SIAH3: variants seen among roughly 807,000 people sequenced by gnomAD.
The protein encoded by SIAH3 is seven in absentia homolog 3.
A neutral mutation model predicts 12.6 loss-of-function variants in SIAH3; 9 were observed. That is an observed-to-expected ratio of 0.72 (90% CI 0.43 to 1.25). SIAH3 has a LOEUF of 1.25. Ranked by LOEUF, SIAH3 falls within the 50% of genes most tolerant of loss-of-function variation. SIAH3 has a pLI of 0.00. For missense variants in SIAH3, 390 were observed against 365.4 expected, an observed-to-expected ratio of 1.07 and a Z score of -0.55; for synonymous variants, 154 against 151.1, an observed-to-expected ratio of 1.02 and a Z score of -0.14.
chr13:45,798,699 C>G (rs1950571134), intron 1 of SIAH3, among the ~76,000 whole-genome samples: 1 of 152,332 alleles, frequency 6.6e-6, no homozygotes, highest in East Asian at 1.9e-4. Context: ...GGCACTGGCC[C>G]TATAGAAGCT....
chr13:45,803,160 G>A (rs1465903214), intron 1 of SIAH3, among the ~76,000 whole-genome samples: 3 of 152,130 alleles, frequency 2.0e-5, no homozygotes, highest in Non-Finnish European at 4.4e-5. Context: ...TGAAAGTGAG[G>A]CCTGCATTTT....
At chr13:45,824,147 A>C (rs988574398) in intron 1 of SIAH3, among the ~76,000 whole-genome samples, 1 of 152,218 alleles carries the variant, frequency 6.6e-6, no homozygotes, top group Non-Finnish European at 1.5e-5. Context: ...CCCGTTTTAC[A>C]TACTAGGCAA....
At chr13:45,803,429 G>A (rs1451787284) in intron 1 of SIAH3, among the ~76,000 whole-genome samples, 1 of 152,190 alleles carries the variant, frequency 6.6e-6, no homozygotes. Flanking sequence ...TGTGATAAAT[G>A]CTATGATAGA....
At chr13:45,844,461 C>A (rs978470011) in intron 1 of SIAH3, among the ~76,000 whole-genome samples, 4 of 152,180 alleles carry the variant, frequency 2.6e-5, no homozygotes, top group Admixed American at 2.6e-4. Context: ...GGACTTACAC[C>A]AGCACCCACA....
In SIAH3 at chr13:45,783,740, G is replaced by C; in HGVS notation, c.453C>G (p.Pro151=). ...GCATGATGATCCAATCAGCCGGCGCGGGGAGGTGCATGTCCGTGGCCAGGA... is the reference window on the plus strand; with the variant it reads ...GCATGATGATCCAATCAGCCGGCGCCGGGAGGTGCATGTCCGTGGCCAGGA... ...IVFLATDMHL[P]APADWIIMHS... Residue 151 remains proline, a synonymous_variant, in exon 2 of 2, where the codon CCC becomes CCG. Coordinates refer to ENST00000400405, the MANE Select transcript of SIAH3 (RefSeq NM_198849.3). 1 of 1,614,154 alleles carries C rather than the reference G, an allele frequency of 6.2e-7. No homozygotes were observed. Among genetic ancestry groups the C allele is most frequent in the Non-Finnish European group, 8.5e-7 (1 of 1,180,016 alleles).
intron 1 of SIAH3, among the ~76,000 whole-genome samples, chr13:45,793,719 T>C (rs1593376574): frequency 6.6e-6 from 1 of 152,320 alleles, no homozygotes; most frequent in South Asian, 2.1e-4. Context: ...TCATTGCCTC[T>C]CTGGGCTACA....
intron 1 of SIAH3, among the ~76,000 whole-genome samples, chr13:45,820,484 T>C (rs2137569969): frequency 6.6e-6 from 1 of 152,310 alleles, no homozygotes; most frequent in Non-Finnish European, 1.5e-5. Flanking sequence ...GTTTAAGGCC[T>C]ATGTTTGTAA....
At position 45,825,312 on chromosome 13, in the gene SIAH3, C is replaced by A. The variant is rs549585374; in HGVS notation, c.135+26183G>T. 4.6e-5 allele frequency among the ~76,000 whole-genome samples: 7 copies of A among 152,146 alleles called. No homozygotes were observed. In the South Asian group the frequency reaches 1.5e-3, roughly 32 times the overall value. ...CCTAGCCAAATCTCATTACAATCAG[C>A]CTTGATGGCAGACAGGATTCAGAAT... On this transcript the variant is annotated intron_variant, in intron 1 of 1. Coordinates refer to ENST00000400405, the MANE Select transcript of SIAH3 (RefSeq NM_198849.3).
At chr13:45,837,618 A>G (rs966716752) in intron 1 of SIAH3, among the ~76,000 whole-genome samples, 4 of 136,828 alleles carry the variant, frequency 2.9e-5, no homozygotes, top group African/African-American at 5.2e-5. Context: ...GGAGGGAGGG[A>G]GGAAGGGAAG....
At chr13:45,826,385 A>T (rs1473078927) in intron 1 of SIAH3, among the ~76,000 whole-genome samples, 3 of 5,102 alleles carry the variant, frequency 5.9e-4, no homozygotes, top group Admixed American at 2.1e-3. Flanking sequence ...GAATGAATGG[A>T]TGGATGGATG....
chr13:45,807,375 T>A (rs190149214), intron 1 of SIAH3, among the ~76,000 whole-genome samples: 2 of 152,170 alleles, frequency 1.3e-5, no homozygotes, highest in Admixed American at 1.3e-4. Context: ...TGAAGGAGAC[T>A]ATTCAATAAA....
chr13:45,800,164 C>T (rs1246087383), intron 1 of SIAH3, among the ~76,000 whole-genome samples: 2 of 151,872 alleles, frequency 1.3e-5, no homozygotes, highest in Non-Finnish European at 2.9e-5. Context: ...AACATTTTGG[C>T]GTGTACTTCT....
At chr13:45,797,331 C>T (rs1399137039) in intron 1 of SIAH3, among the ~76,000 whole-genome samples, 1 of 152,150 alleles carries the variant, frequency 6.6e-6, no homozygotes, top group Non-Finnish European at 1.5e-5. Flanking sequence ...AGGATTGCTC[C>T]AGCCTGCATA....
chr13:45,823,085 T>G (rs1950662171), intron 1 of SIAH3, among the ~76,000 whole-genome samples: 2 of 152,162 alleles, frequency 1.3e-5, no homozygotes. Flanking sequence ...TGAACCTCAG[T>G]AGAAGGTGGG....
intron 1 of SIAH3, among the ~76,000 whole-genome samples, chr13:45,849,950 T>A (rs375768813): frequency 1.3e-5 from 2 of 152,130 alleles, no homozygotes; most frequent in African/African-American, 4.8e-5. Flanking sequence ...GGCCATAAAA[T>A]GGAATTCAGA....
chr13:45,821,368 C>A (rs1371719573), intron 1 of SIAH3, among the ~76,000 whole-genome samples: 1 of 152,236 alleles, frequency 6.6e-6, no homozygotes, highest in Non-Finnish European at 1.5e-5. Flanking sequence ...CAATCAATTC[C>A]TGTTATTCAA....
At chr13:45,794,558 G>A (rs1317530860) in intron 1 of SIAH3, among the ~76,000 whole-genome samples, 3 of 152,070 alleles carry the variant, frequency 2.0e-5, no homozygotes, top group African/African-American at 7.2e-5. Flanking sequence ...TCATGGGGAC[G>A]GGTTTTTCCT....
intron 1 of SIAH3, among the ~76,000 whole-genome samples, chr13:45,826,500 G>T: frequency 6.7e-6 from 1 of 148,370 alleles, no homozygotes; most frequent in Non-Finnish European, 1.5e-5. Context: ...TGGGTGGGTG[G>T]ATAGATGGAT....
chr13:45,792,700 G>C (rs746836320), intron 1 of SIAH3, among the ~76,000 whole-genome samples: 1 of 152,134 alleles, frequency 6.6e-6, no homozygotes, highest in Non-Finnish European at 1.5e-5. Context: ...AATGTATTTT[G>C]AGAGTCTCAT....
Sources: gnomAD v4.1 joint callset for allele counts (sites outside exome capture counted in the v4.1 genomes callset) on GRCh38, gnomAD v4.1.1 for gene constraint, MANE v1.5 for transcripts, NCBI Gene and HGNC (gene_info 2026-07-23, HGNC 2026-07-21) for gene names.